Variants in PHACTR4 observed in about 807,000 individuals in gnomAD.
The protein encoded by PHACTR4 is protein phosphatase 1, regulatory subunit 124.
A neutral mutation model predicts 72.7 loss-of-function variants in PHACTR4; 51 were observed. The ratio of observed to expected loss-of-function variants is 0.70; its 90% CI spans 0.56 to 0.89. The LOEUF is 0.89. Among genes scored for constraint, PHACTR4 ranks in the 40% least tolerant of loss-of-function variants. PHACTR4 has a pLI of 0.00. For missense variants in PHACTR4, 731 were observed against 861.8 expected, an observed-to-expected ratio of 0.85 and a Z score of 1.90; for synonymous variants, 255 against 302.5, an observed-to-expected ratio of 0.84 and a Z score of 1.63.
chr1:28,490,101 A>T (rs539304430), intron 10 of PHACTR4, among the ~76,000 whole-genome samples: 1 of 152,210 alleles, frequency 6.6e-6, no homozygotes, highest in Non-Finnish European at 1.5e-5. Flanking sequence ...ATAGGTCCTT[A>T]CAAAACCATT....
intron 1 of PHACTR4, among the ~76,000 whole-genome samples, chr1:28,378,339 T>TA (rs564072221): frequency 0.39 from 52,739 of 134,848 alleles, 11,326 homozygotes; most frequent in African/African-American, 0.59. Context: ...CCGTCTCTAC[T>TA]AAAAAAAAAA....
rs148724281 is a variant in PHACTR4 at position 28,423,408 on chromosome 1, CAAAT to C, written c.16+15978_16+15981del. Among the ~76,000 whole-genome samples the C allele has an allele frequency of 5.3e-3, 781 of 147,654 alleles. 4 individuals are homozygous for C. The highest frequency in any genetic ancestry group is 0.014 in the African/African-American group (580 of 40,234). ...TGGGCAACAGAGCAAGATCCTGCCT[CAAAT>C]AAATAAATAAATAAATAAATAAATA... On this transcript the variant is annotated intron_variant, in intron 2 of 13. Coordinates refer to ENST00000373839, the MANE Select transcript of PHACTR4 (RefSeq NM_001048183.3).
At chr1:28,377,437 A>G (rs12563355) in intron 1 of PHACTR4, among the ~76,000 whole-genome samples, 12 of 143,206 alleles carry the variant, frequency 8.4e-5, no homozygotes, top group African/African-American at 1.6e-4. Context: ...ATGGGGTTTC[A>G]CCATGTTGGC....
chr1:28,470,158 C>T (rs1385373299), intron 6 of PHACTR4, among the ~76,000 whole-genome samples: 2 of 151,894 alleles, frequency 1.3e-5, no homozygotes, highest in Non-Finnish European at 2.9e-5. Flanking sequence ...TTGGGGAGGC[C>T]GAGGTGGGAA....
intron 1 of PHACTR4, among the ~76,000 whole-genome samples, chr1:28,382,328 G>T (rs1196429563): frequency 6.6e-6 from 1 of 150,478 alleles, no homozygotes; most frequent in Non-Finnish European, 1.5e-5. Context: ...TTTTGAGACA[G>T]AGTCTCCCTC....
At chr1:28,482,699 C>T (rs1660353710) in intron 9 of PHACTR4, among the ~76,000 whole-genome samples, 1 of 151,972 alleles carries the variant, frequency 6.6e-6, no homozygotes, top group South Asian at 2.1e-4. Context: ...TTTTGGGAGG[C>T]TCACTTGAGG....
intron 9 of PHACTR4, among the ~76,000 whole-genome samples, chr1:28,487,727 GTTTTT>G (rs780028378): frequency 6.3e-5 from 4 of 63,304 alleles, no homozygotes; most frequent in Admixed American, 1.8e-4. Context: ...GTTTTTTGTT[GTTTTT>G]TTTTTTTTTT....
At chr1:28,401,707 G>A (rs1653960628) in intron 1 of PHACTR4, among the ~76,000 whole-genome samples, 1 of 152,046 alleles carries the variant, frequency 6.6e-6, no homozygotes, top group Admixed American at 6.6e-5. Flanking sequence ...CTGGGCTCAA[G>A]CTGTCTTCCT....
chr1:28,467,216 AAAAC>A (rs1380418844), intron 6 of PHACTR4: 1 of 153,180 alleles, frequency 6.5e-6, no homozygotes, highest in Non-Finnish European at 1.5e-5. Flanking sequence ...CCGTCTCAAA[AAAAC>A]AAAAACAAAC....
At chr1:28,473,281 A>AAAC (rs1557838424) in intron 6 of PHACTR4, among the ~76,000 whole-genome samples, 4 of 133,412 alleles carry the variant, frequency 3.0e-5, no homozygotes, top group African/African-American at 1.1e-4. Flanking sequence ...GTCTCAAAAA[A>AAAC]AAAAAAAAAA....
intron 2 of PHACTR4, among the ~76,000 whole-genome samples, chr1:28,417,066 C>A (rs1007215552): frequency 6.6e-6 from 1 of 151,228 alleles, no homozygotes; most frequent in Admixed American, 6.6e-5. Flanking sequence ...GCTGTTCCCC[C>A]CTTCCTTCCC....
At position 28,473,979 on chromosome 1, in the gene PHACTR4, C is replaced by T; in HGVS notation, c.1249C>T (p.Leu417=). The change falls in exon 7 of 14, where the codon CTG becomes TTG. Residue 417 remains leucine (L), a synonymous_variant. Coordinates refer to ENST00000373839, the MANE Select transcript of PHACTR4 (RefSeq NM_001048183.3). ...ACCCTCTAGGCTGCCTCCACTCCCA[C>T]TGCATATTCGAATCCAGCAGGCCCT... ...HIPSRLPPLP[L]HIRIQQALTS... 2 of 1,614,202 alleles carry T rather than the reference C, an allele frequency of 1.2e-6. No homozygotes were observed. The highest frequency in any genetic ancestry group is 3.3e-4 in the Middle Eastern group (2 of 6,062).
chr1:28,459,395 CTTTTTTTT>C (rs367934288), intron 3 of PHACTR4, 137 bp downstream of exon 3: 26 of 282,648 alleles, frequency 9.2e-5, no homozygotes, highest in Non-Finnish European at 9.4e-5. Flanking sequence ...TTTCCTTCTT[CTTTTTTTT>C]TTTTTTTTTT....
At chr1:28,409,928 G>A (rs1654649592) in intron 2 of PHACTR4, among the ~76,000 whole-genome samples, 1 of 149,048 alleles carries the variant, frequency 6.7e-6, no homozygotes, top group African/African-American at 2.5e-5. Flanking sequence ...GAACACAAGA[G>A]GGCAGTCTGT....
intron 2 of PHACTR4, among the ~76,000 whole-genome samples, chr1:28,447,291 T>C (rs1373007271): frequency 6.6e-6 from 1 of 152,090 alleles, no homozygotes; most frequent in Non-Finnish European, 1.5e-5. Flanking sequence ...GGATTACAGG[T>C]GTGAGCCACT....
rs188406984 is a variant in PHACTR4 at position 28,496,968 on chromosome 1, T to C, written c.*419T>C. On this transcript the variant is annotated 3_prime_UTR_variant, in exon 14 of 14. Transcript: ENST00000373839. ...ATGTGTAGGCTCTAAATTCCAGCCATCAAATCCAATTCCTGGTGGGGAAAA... is the reference window on the plus strand; with the variant it reads ...ATGTGTAGGCTCTAAATTCCAGCCACCAAATCCAATTCCTGGTGGGGAAAA... 76 of 209,062 alleles carry C rather than the reference T, an allele frequency of 3.6e-4. No individual in the cohort carries two copies. The highest frequency in any genetic ancestry group is 1.6e-3 in the African/African-American group (69 of 43,018). 13.0% of individuals were successfully genotyped at this position (209,062 alleles called of 1,614,324 possible). A position where few individuals can be genotyped will look rare whatever the true frequency, so the allele number is the denominator to read the frequency against.
chr1:28,390,740 C>G (rs1251832140), intron 1 of PHACTR4, among the ~76,000 whole-genome samples: 4 of 151,876 alleles, frequency 2.6e-5, no homozygotes, highest in Non-Finnish European at 5.9e-5. Context: ...TTGCAGTGAG[C>G]CGAGATCACG....
At chr1:28,449,610 G>C (rs367857571) in intron 2 of PHACTR4, among the ~76,000 whole-genome samples, 3 of 152,166 alleles carry the variant, frequency 2.0e-5, no homozygotes, top group East Asian at 3.9e-4. Flanking sequence ...CCAGCACTTT[G>C]GGAGGCCAAA....
rs539053530 is a variant in PHACTR4, at chr1:28,427,458, G to A, written c.16+19995G>A. ...GGAGAATCACTTGAACTCGGGAGGC[G>A]GACGTTGCAGTAAGCTGAAATTGCA... On this transcript the variant is annotated intron_variant, in intron 2 of 13. Coordinates refer to ENST00000373839, the MANE Select transcript of PHACTR4 (RefSeq NM_001048183.3). 2.2e-4 allele frequency among the ~76,000 whole-genome samples: 33 copies of A among 152,180 alleles called. No homozygotes were observed. The South Asian group carries it at 3.9e-3, about 18-fold the overall frequency.
Sources: gnomAD v4.1 joint callset for allele counts (sites outside exome capture counted in the v4.1 genomes callset) on GRCh38, gnomAD v4.1.1 for gene constraint, MANE v1.5 for transcripts, NCBI Gene and HGNC (gene_info 2026-07-23, HGNC 2026-07-21) for gene names.